MEI4: variants seen among roughly 807,000 people sequenced by gnomAD.
MEI4 encodes meiotic double-stranded break formation protein 4.
MEI4 carries 27 observed loss-of-function variants against 31.4 expected under a neutral mutation model. The observed-to-expected ratio is 0.86, with a 90% CI of 0.63 to 1.19. The LOEUF (loss-of-function observed/expected upper bound fraction) is 1.19. MEI4 is among the 50% of genes most tolerant of loss of function. The pLI, the probability that MEI4 is intolerant of heterozygous loss-of-function variation, is 0.00. For missense variants in MEI4, 329 were observed against 398.9 expected (o/e 0.82, Z 1.49); for synonymous variants, 122 against 145.4 (o/e 0.84, Z 1.16).
chr6:77,823,554 A>G, intron 3 of MEI4, among the ~76,000 whole-genome samples: 1 of 152,170 alleles, frequency 6.6e-6, no homozygotes, highest in Non-Finnish European at 1.5e-5. Context: ...ATACTGCTAG[A>G]TGTTTTGGTT....
chr6:77,843,040 G>A (rs62425064), intron 4 of MEI4, among the ~76,000 whole-genome samples: 7,795 of 151,048 alleles, frequency 0.052, 256 homozygotes, highest in Middle Eastern at 0.079. Flanking sequence ...CCAAAAATTG[G>A]AAGACAGAGC....
chr6:77,844,168 A>G (rs780459210), intron 4 of MEI4, among the ~76,000 whole-genome samples: 2 of 152,124 alleles, frequency 1.3e-5, no homozygotes, highest in African/African-American at 2.4e-5. Flanking sequence ...CATAGGCCTA[A>G]TGTCCCTACT....
chr6:77,850,805 G>A (rs1032105634), intron 4 of MEI4, among the ~76,000 whole-genome samples: 6 of 152,122 alleles, frequency 3.9e-5, no homozygotes, highest in Non-Finnish European at 8.8e-5. Context: ...TTAAACTGAA[G>A]AGCTTCTGCA....
chr6:77,726,939 CAAT>C (rs1391225411), intron 2 of MEI4, among the ~76,000 whole-genome samples: 2 of 152,136 alleles, frequency 1.3e-5, no homozygotes, highest in African/African-American at 2.4e-5. Context: ...TTTTATCCAA[CAAT>C]GATGTATGTA....
chr6:77,913,099 GTAA>G, intron 4 of MEI4, among the ~76,000 whole-genome samples: 1 of 152,020 alleles, frequency 6.6e-6, no homozygotes, highest in Middle Eastern at 3.4e-3. Flanking sequence ...TTCCATTGGT[GTAA>G]TGTATTGAAC....
chr6:77,844,267 A>AT (rs1006862795), intron 4 of MEI4, among the ~76,000 whole-genome samples: 1 of 152,250 alleles, frequency 6.6e-6, no homozygotes, highest in East Asian at 1.9e-4. Context: ...GGTATTAATA[A>AT]TTTTTTAAGA....
intron 1 of MEI4, among the ~76,000 whole-genome samples, chr6:77,675,725 T>G (rs1462170528): frequency 1.3e-5 from 2 of 152,194 alleles, no homozygotes; most frequent in Non-Finnish European, 2.9e-5. Context: ...ACCATAGATA[T>G]AACATCAATT....
At chr6:77,658,212 C>A (rs1022664299) in intron 1 of MEI4, among the ~76,000 whole-genome samples, 2 of 151,958 alleles carry the variant, frequency 1.3e-5, no homozygotes, top group Non-Finnish European at 2.9e-5. Context: ...GGGGGTGGGT[C>A]TCACAAAGTA....
intron 2 of MEI4, among the ~76,000 whole-genome samples, chr6:77,730,351 T>G (rs1272998122): frequency 6.6e-6 from 1 of 152,174 alleles, no homozygotes; most frequent in Non-Finnish European, 1.5e-5. Flanking sequence ...TCTATAGGGC[T>G]GTGTGTGATA....
At chr6:77,754,785 G>A (rs9361278) in intron 2 of MEI4, among the ~76,000 whole-genome samples, 21,094 of 152,030 alleles carry the variant, frequency 0.14, 1,540 homozygotes, top group Middle Eastern at 0.21. Flanking sequence ...TCTTACATGC[G>A]GAGAGAGAGA....
chr6:77,669,237 G>A (rs560403402), intron 1 of MEI4, among the ~76,000 whole-genome samples: 19 of 152,052 alleles, frequency 1.2e-4, no homozygotes, highest in African/African-American at 3.9e-4. Flanking sequence ...GTGTGTGTGC[G>A]TACATACACA....
chr6:77,652,271 AG>A (rs1310479199), upstream of MEI4, among the ~76,000 whole-genome samples: 1 of 152,200 alleles, frequency 6.6e-6, no homozygotes, highest in Non-Finnish European at 1.5e-5. Flanking sequence ...TTTAAAATAT[AG>A]GACAATAATC....
At chr6:77,865,238 G>A (rs1379693614) in intron 4 of MEI4, among the ~76,000 whole-genome samples, 1 of 152,126 alleles carries the variant, frequency 6.6e-6, no homozygotes, top group Admixed American at 6.5e-5. Flanking sequence ...GATCAGAGCA[G>A]AACTGAAGGA....
At chr6:77,665,207 G>C (rs1768602921) in intron 1 of MEI4, among the ~76,000 whole-genome samples, 1 of 151,938 alleles carries the variant, frequency 6.6e-6, no homozygotes, top group South Asian at 2.1e-4. Flanking sequence ...GGAAATAAGG[G>C]GTCGGGACAT....
chr6:77,684,452 C>T (rs531602422), intron 1 of MEI4, among the ~76,000 whole-genome samples: 2 of 149,268 alleles, frequency 1.3e-5, no homozygotes, highest in South Asian at 4.2e-4. Context: ...ATTCTGTCTA[C>T]TTTTTTTTTT....
intron 4 of MEI4, among the ~76,000 whole-genome samples, chr6:77,918,326 G>A (rs1417273138): frequency 7.0e-6 from 1 of 143,538 alleles, no homozygotes; most frequent in Non-Finnish European, 1.5e-5. Flanking sequence ...TAGCTTGATG[G>A]GGATGGCATT....
At chr6:77,755,857 T>TGTGTGTGTGTGTG in intron 2 of MEI4, among the ~76,000 whole-genome samples, 1 of 151,556 alleles carries the variant, frequency 6.6e-6, no homozygotes, top group African/African-American at 2.4e-5. Flanking sequence ...TGTGTGTGTA[T>TGTGTGTGTGTGTG]TTTACCTCTA....
chr6:77,758,414 C>T (rs62418034), intron 2 of MEI4, among the ~76,000 whole-genome samples: 25,706 of 152,032 alleles, frequency 0.17, 2,771 homozygotes, highest in Non-Finnish European at 0.23. Flanking sequence ...CCAATTCTAC[C>T]TCATCAGCTT....
intron 4 of MEI4, among the ~76,000 whole-genome samples, chr6:77,914,902 T>C (rs1766508845): frequency 6.6e-6 from 1 of 152,126 alleles, no homozygotes; most frequent in African/African-American, 2.4e-5. Flanking sequence ...TCTATTTGCA[T>C]TGAATATTTT....
Sources: allele counts gnomAD v4.1 joint callset (sites outside exome capture counted in the v4.1 genomes callset), GRCh38; gene constraint gnomAD v4.1.1; transcripts MANE v1.5; gene names NCBI Gene and HGNC (gene_info 2026-07-23, HGNC 2026-07-21).